The following LRP1B variants were observed in gnomAD, a reference collection of about 807,000 sequenced individuals.
LRP1B encodes the protein low-density lipoprotein receptor-related protein 1B.
A neutral mutation model predicts 556.6 loss-of-function variants in LRP1B; 217 were observed. The observed-to-expected ratio is 0.39, with a 90% CI of 0.35 to 0.44. The LOEUF (loss-of-function observed/expected upper bound fraction) is 0.44. Among genes scored for constraint, LRP1B ranks in the 20% least tolerant of loss-of-function variants. The probability of loss-of-function intolerance (pLI) is 1.00; values close to 1 mark genes in which losing one functional copy is unlikely to be tolerated. For synonymous variants in LRP1B, 2,047 were observed against 1,865.8 expected, an observed-to-expected ratio of 1.10 and a Z score of -2.50; for missense variants, 5,053 against 5,620.8, an observed-to-expected ratio of 0.90 and a Z score of 3.23.
Position 140,286,606 on chromosome 2 carries a change from T to TA in LRP1B, c.12967+11201dup, listed in dbSNP as rs1176512748. On this transcript the variant is annotated intron_variant, in intron 84 of 90. Transcript: ENST00000389484. Reference sequence around the variant, plus strand: ...TCATAATCTAATCTGTGCATGGAAGTAAGCCCAGTCATAAAACTATTTTCG... The same window carrying TA: ...TCATAATCTAATCTGTGCATGGAAGTAAAGCCCAGTCATAAAACTATTTTCG... Among the ~76,000 whole-genome samples the TA allele has an allele frequency of 3.3e-5, 5 of 151,992 alleles. No individual in the cohort carries two copies. In the East Asian group the frequency reaches 9.7e-4, roughly 29 times the overall value.
chr2:141,885,841 T>C (rs577981740), intron 1 of LRP1B, among the ~76,000 whole-genome samples: 106 of 152,186 alleles, frequency 7.0e-4, no homozygotes, highest in African/African-American at 2.5e-3. Context: ...TTGTGGTAAA[T>C]AAAAGTAAGG....
chr2:141,520,398 T>C (rs955264267), intron 2 of LRP1B, among the ~76,000 whole-genome samples: 1 of 152,096 alleles, frequency 6.6e-6, no homozygotes, highest in Non-Finnish European at 1.5e-5. Flanking sequence ...ACAGATGGAT[T>C]TCAACAGAGC....
At chr2:141,071,874 A>G (rs1031724907) in intron 7 of LRP1B, among the ~76,000 whole-genome samples, 6 of 152,190 alleles carry the variant, frequency 3.9e-5, no homozygotes, top group Admixed American at 2.6e-4. Flanking sequence ...CAAATGGAAG[A>G]ACATTCCATG....
At chr2:140,950,838 T>G (rs1162225413) in intron 19 of LRP1B, among the ~76,000 whole-genome samples, 2 of 151,478 alleles carry the variant, frequency 1.3e-5, no homozygotes, top group Non-Finnish European at 1.5e-5. Context: ...TTTTTTTTTT[T>G]GAAAAATGAA....
At chr2:141,585,881 T>A (rs1334233673) in intron 2 of LRP1B, among the ~76,000 whole-genome samples, 1 of 132,190 alleles carries the variant, frequency 7.6e-6, no homozygotes, top group Admixed American at 8.1e-5. Context: ...GGACTACAGG[T>A]GCACTTTTTT....
intron 11 of LRP1B, among the ~76,000 whole-genome samples, chr2:141,023,488 C>T (rs1489943210): frequency 1.3e-5 from 2 of 151,816 alleles, no homozygotes; most frequent in Non-Finnish European, 2.9e-5. Flanking sequence ...GAATGTAATA[C>T]TTTAGACTAG....
intron 43 of LRP1B, among the ~76,000 whole-genome samples, chr2:140,545,483 C>A (rs529892553): frequency 3.3e-5 from 5 of 152,176 alleles, no homozygotes; most frequent in African/African-American, 1.2e-4. Context: ...GAAAGGGGTT[C>A]AGTTTCAATC....
At chr2:141,244,237 G>A (rs1465939541) in intron 5 of LRP1B, among the ~76,000 whole-genome samples, 1 of 152,074 alleles carries the variant, frequency 6.6e-6, no homozygotes, top group East Asian at 1.9e-4. Context: ...CATATTCTTG[G>A]TCTAGTTCTA....
At chr2:140,326,370 C>T (rs1680477782) in intron 79 of LRP1B, among the ~76,000 whole-genome samples, 1 of 147,340 alleles carries the variant, frequency 6.8e-6, no homozygotes, top group South Asian at 2.1e-4. Flanking sequence ...TATTTTCACC[C>T]ATTCAGAGTT....
rs78123269 is a variant in LRP1B, at chr2:141,665,819, C to T, written c.205+144460G>A. The stretch of plus-strand genomic sequence containing the variant: ...GAAGCCATTATCCTCAGCAAACAAA[C>T]TAGGTACAGAAAACCAAACACTTGA... On this transcript the variant is annotated intron_variant, in intron 2 of 90. Coordinates refer to ENST00000389484, the MANE Select transcript of LRP1B (RefSeq NM_018557.3). Among the ~76,000 whole-genome samples, 287 of 152,232 alleles carry T rather than the reference C, an allele frequency of 1.9e-3. 6 individuals carry two copies. In the East Asian group the frequency reaches 0.042, roughly 22 times the overall value.
At chr2:141,494,509 T>A (rs1037376592) in intron 2 of LRP1B, among the ~76,000 whole-genome samples, 2 of 151,926 alleles carry the variant, frequency 1.3e-5, no homozygotes, top group African/African-American at 2.4e-5. Flanking sequence ...TATGACTGCC[T>A]CAGTGCGCTA....
At chr2:141,288,794 G>T (rs535031614) in intron 3 of LRP1B, among the ~76,000 whole-genome samples, 1 of 152,162 alleles carries the variant, frequency 6.6e-6, no homozygotes, top group African/African-American at 2.4e-5. Context: ...AGAATAAGAG[G>T]CGTTTGTATT....
intron 7 of LRP1B, among the ~76,000 whole-genome samples, chr2:141,134,713 A>G (rs1216326642): frequency 7.1e-6 from 1 of 141,504 alleles, no homozygotes; most frequent in Non-Finnish European, 1.5e-5. Flanking sequence ...GAGTCATTAT[A>G]TCAATAACTA....
intron 41 of LRP1B, among the ~76,000 whole-genome samples, chr2:140,682,561 A>C (rs957906193): frequency 2.6e-5 from 4 of 152,300 alleles, no homozygotes; most frequent in Non-Finnish European, 4.4e-5. Context: ...TATACAGCAG[A>C]GAAGCTATTA....
At chr2:140,789,669 C>T (rs559861706) in intron 32 of LRP1B, among the ~76,000 whole-genome samples, 2 of 113,316 alleles carry the variant, frequency 1.8e-5, no homozygotes, top group Non-Finnish European at 3.3e-5. Context: ...CTCGCTCTGT[C>T]GCCCAGGCTG....
At chr2:141,567,249 C>A (rs574976364) in intron 2 of LRP1B, among the ~76,000 whole-genome samples, 1 of 151,620 alleles carries the variant, frequency 6.6e-6, no homozygotes, top group African/African-American at 2.4e-5. Context: ...TCACAAATTG[C>A]GATCATTTTT....
At chr2:140,319,240 A>G (rs1285996081) in intron 82 of LRP1B, among the ~76,000 whole-genome samples, 1 of 152,148 alleles carries the variant, frequency 6.6e-6, no homozygotes, top group Non-Finnish European at 1.5e-5. Context: ...AAAACCACCA[A>G]AAACTGTCTG....
intron 2 of LRP1B, among the ~76,000 whole-genome samples, chr2:141,573,903 T>C (rs1040877943): frequency 2.6e-5 from 4 of 151,942 alleles, no homozygotes; most frequent in African/African-American, 4.8e-5. Context: ...CTGGAAGAAA[T>C]TGAATCCCTG....
At chr2:141,620,598 T>G (rs1312408131) in intron 2 of LRP1B, among the ~76,000 whole-genome samples, 1 of 152,318 alleles carries the variant, frequency 6.6e-6, no homozygotes, top group East Asian at 1.9e-4. Context: ...AATAATTTTC[T>G]GACTTTTCAT....
Sources: allele counts gnomAD v4.1 joint callset (sites outside exome capture counted in the v4.1 genomes callset), GRCh38; gene constraint gnomAD v4.1.1; transcripts MANE v1.5; gene names NCBI Gene and HGNC (gene_info 2026-07-23, HGNC 2026-07-21).